TAS2R1: variants seen among roughly 807,000 people sequenced by gnomAD.
TAS2R1 encodes taste 2 receptor member 1, also known as taste receptor type 2 member 1.
For synonymous variants in TAS2R1, 141 were observed against 134.2 expected (o/e 1.05, Z -0.35); for missense variants, 370 against 353.4 (o/e 1.05, Z -0.38).
chr5:9,734,350 T>C, the TAS2R1 span, among the ~76,000 whole-genome samples: 2 of 152,316 alleles, frequency 1.3e-5, no homozygotes, highest in South Asian at 2.1e-4. Context: ...TTAAATATTT[T>C]TGTCCAATCA....
upstream of TAS2R1, among the ~76,000 whole-genome samples, chr5:9,714,492 T>A (rs1734766365): frequency 6.6e-6 from 1 of 152,188 alleles, no homozygotes; most frequent in Non-Finnish European, 1.5e-5. Context: ...CTTCACCAGA[T>A]GTGTGATCTT....
chr5:9,629,083 A>G lies in TAS2R1; in HGVS notation c.*50T>C, dbSNP rs1165719869. 1.3e-6 allele frequency: 2 copies of G among 1,493,090 alleles called. No individual in the cohort carries two copies. Among genetic ancestry groups the G allele is most frequent in the Non-Finnish European group, 1.8e-6 (2 of 1,121,562 alleles). The allele number at this position is 1,493,090 out of a possible 1,614,324, so 92.5% of individuals were successfully genotyped here. On this transcript the variant is annotated 3_prime_UTR_variant, in exon 1 of 1. Transcript: ENST00000382492. ...TCTGGCTGAGGGAAGTGTGGCAGGCATGGGTAAATCATTGAATCATGGGTT... is the reference window on the plus strand; with the variant it reads ...TCTGGCTGAGGGAAGTGTGGCAGGCGTGGGTAAATCATTGAATCATGGGTT...
chr5:9,802,267 C>T, the TAS2R1 span, among the ~76,000 whole-genome samples: 11 of 152,138 alleles, frequency 7.2e-5, no homozygotes, highest in Admixed American at 6.5e-4. Context: ...TGCAGATGTT[C>T]CCCAGTACCA....
intron 1 of TAS2R1, among the ~76,000 whole-genome samples, chr5:9,683,912 T>G (rs1186893515): frequency 6.6e-6 from 1 of 152,172 alleles, no homozygotes; most frequent in African/African-American, 2.4e-5. Flanking sequence ...GTTGCCAGCA[T>G]CTACGGAAGT....
At chr5:9,884,783 C>T in the TAS2R1 span, among the ~76,000 whole-genome samples, 67 of 152,292 alleles carry the variant, frequency 4.4e-4, no homozygotes, top group Middle Eastern at 3.4e-3. Flanking sequence ...ATGTTAGCTT[C>T]AAAATAACTT....
chr5:9,668,971 G>A (rs74726481), intron 1 of TAS2R1, among the ~76,000 whole-genome samples: 138 of 152,210 alleles, frequency 9.1e-4, no homozygotes, highest in African/African-American at 3.1e-3. Flanking sequence ...AGAGTGACAA[G>A]TTGTATAAAG....
At chr5:9,884,839 C>T in the TAS2R1 span, among the ~76,000 whole-genome samples, 1 of 152,202 alleles carries the variant, frequency 6.6e-6, no homozygotes, top group African/African-American at 2.4e-5. Flanking sequence ...ATAATCATCT[C>T]TTTTTATATA....
chr5:9,651,027 T>C (rs548243693), intron 2 of TAS2R1, among the ~76,000 whole-genome samples: 32 of 152,264 alleles, frequency 2.1e-4, no homozygotes, highest in African/African-American at 7.2e-4. Context: ...ATTCATGAAA[T>C]GGCTATTGTT....
At chr5:9,746,476 T>C in the TAS2R1 span, among the ~76,000 whole-genome samples, 8 of 152,192 alleles carry the variant, frequency 5.3e-5, no homozygotes, top group African/African-American at 7.2e-5. Context: ...CATATGTTTA[T>C]TGAAGGACTA....
chr5:9,891,303 A>G, the TAS2R1 span, among the ~76,000 whole-genome samples: 1 of 152,176 alleles, frequency 6.6e-6, no homozygotes, highest in Non-Finnish European at 1.5e-5. Flanking sequence ...AACAATGCCA[A>G]TCTCTCATTT....
At chr5:9,877,287 C>T in the TAS2R1 span, among the ~76,000 whole-genome samples, 2 of 152,158 alleles carry the variant, frequency 1.3e-5, no homozygotes, top group Admixed American at 6.5e-5. Flanking sequence ...TCTTGAATAA[C>T]CCACCGTCTT....
the TAS2R1 span, among the ~76,000 whole-genome samples, chr5:9,779,131 G>A: frequency 2.6e-5 from 4 of 152,178 alleles, no homozygotes; most frequent in African/African-American, 7.2e-5. Flanking sequence ...TGCCGTCCTC[G>A]CAGTAATGAT....
the TAS2R1 span, among the ~76,000 whole-genome samples, chr5:9,761,207 T>C: frequency 1.3e-5 from 2 of 152,180 alleles, no homozygotes; most frequent in Admixed American, 6.5e-5. Context: ...TCTGAGAAGG[T>C]TGTGACCCAA....
chr5:9,748,500 A>G, the TAS2R1 span, among the ~76,000 whole-genome samples: 1 of 152,258 alleles, frequency 6.6e-6, no homozygotes, highest in South Asian at 2.1e-4. Flanking sequence ...TGGTGACTGG[A>G]GAGTTCAAGA....
chr5:9,813,546 G>A, the TAS2R1 span, among the ~76,000 whole-genome samples: 4 of 152,136 alleles, frequency 2.6e-5, no homozygotes, highest in African/African-American at 2.4e-5. Flanking sequence ...AGTTGACAAA[G>A]CACCCTTGAC....
chr5:9,848,182 C>T, the TAS2R1 span, among the ~76,000 whole-genome samples: 1 of 152,174 alleles, frequency 6.6e-6, no homozygotes, highest in Non-Finnish European at 1.5e-5. Context: ...CAATAAATTC[C>T]GCAGGTTTAC....
the TAS2R1 span, among the ~76,000 whole-genome samples, chr5:9,864,407 C>T: frequency 2.0e-5 from 3 of 151,956 alleles, no homozygotes; most frequent in Non-Finnish European, 4.4e-5. Flanking sequence ...ACAGGCGGGT[C>T]TCTTGAGGTC....
intron 1 of TAS2R1, among the ~76,000 whole-genome samples, chr5:9,669,446 C>T (rs1740707296): frequency 6.6e-6 from 1 of 152,102 alleles, no homozygotes; most frequent in South Asian, 2.1e-4. Context: ...TACCCCAAAA[C>T]AACAGAATAT....
rs767243656 is a variant in TAS2R1 at position 9,629,637 on chromosome 5, C to T, written c.396G>A (p.Gly132=). The T allele has an allele frequency of 2.5e-6, 4 of 1,613,984 alleles. No homozygotes were observed. The highest frequency in any genetic ancestry group is 1.7e-5 in the Admixed American group (1 of 59,974). Residue 132 remains glycine, a synonymous_variant, in exon 1 of 1, where the codon GGG becomes GGA. Transcript: ENST00000382492. ...ISKLVPWMIL[G]SLLYVSMICV... ...AAATCATAGATACATATAGCAGAGACCCCAGGATCATCCATGGGACCAGCT... is the reference window on the plus strand; with the variant it reads ...AAATCATAGATACATATAGCAGAGATCCCAGGATCATCCATGGGACCAGCT...
Sources: allele counts gnomAD v4.1 joint callset (sites outside exome capture counted in the v4.1 genomes callset), GRCh38; gene constraint gnomAD v4.1.1; transcripts MANE v1.5; gene names NCBI Gene and HGNC (gene_info 2026-07-23, HGNC 2026-07-21).